Variants in TENM1 observed in about 807,000 individuals in gnomAD.
The protein encoded by TENM1 is teneurin-1.
A neutral mutation model predicts 174.8 loss-of-function variants in TENM1; 35 were observed. That is an observed-to-expected ratio of 0.20 (90% CI 0.15 to 0.27). The LOEUF (loss-of-function observed/expected upper bound fraction) is 0.27, where lower values mean the gene tolerates loss of function less well. TENM1 is among the 10% of genes least tolerant of loss of function. The pLI is 1.00. For synonymous variants in TENM1, 781 were observed against 798.7 expected, an observed-to-expected ratio of 0.98 and a Z score of 0.37; for missense variants, 1,633 against 2,130.1, an observed-to-expected ratio of 0.77 and a Z score of 4.59.
intron 3 of TENM1, among the ~76,000 whole-genome samples, chrX:124,743,923 A>C (rs1416040640): frequency 8.9e-6 from 1 of 111,881 alleles, no homozygotes; most frequent in Non-Finnish European, 1.9e-5. Flanking sequence ...TAGTTTAATT[A>C]ATCTCTTTTC....
At chrX:124,383,186 A>T (rs2060179478) in intron 30 of TENM1, among the ~76,000 whole-genome samples, 1 of 110,354 alleles carries the variant, frequency 9.1e-6, no homozygotes, top group African/African-American at 3.3e-5. Context: ...GCCTCAAGTG[A>T]TCTGCCTGCC....
intron 1 of TENM1, among the ~76,000 whole-genome samples, chrX:124,935,576 T>C (rs1428073252): frequency 1.8e-5 from 2 of 112,750 alleles, no homozygotes; most frequent in African/African-American, 6.5e-5. Context: ...TGCCTTTGCA[T>C]TCCCAGTGCC....
At chrX:124,641,661 TAGG>T in intron 11 of TENM1, 127 bp downstream of exon 14, 1 of 574,056 alleles carries the variant, frequency 1.7e-6, no homozygotes, top group Non-Finnish European at 2.9e-6. Flanking sequence ...AATACTAACC[TAGG>T]ACATACCTGG....
At chrX:124,910,974 G>C (rs1278113632) in intron 1 of TENM1, among the ~76,000 whole-genome samples, 1 of 108,966 alleles carries the variant, frequency 9.2e-6, no homozygotes, top group African/African-American at 3.4e-5. Flanking sequence ...GGAGTGCAGT[G>C]GTGCGATCAC....
At chrX:125,056,384 T>C in the TENM1 span, among the ~76,000 whole-genome samples, 1 of 111,819 alleles carries the variant, frequency 8.9e-6, no homozygotes, top group Non-Finnish European at 1.9e-5. Context: ...AGATAAGAAA[T>C]TAAGTTAAGC....
At chrX:125,102,520 T>C in the TENM1 span, among the ~76,000 whole-genome samples, 1 of 112,116 alleles carries the variant, frequency 8.9e-6, no homozygotes, top group Non-Finnish European at 1.9e-5. Context: ...CTTCAGTCTG[T>C]GACTGGTAGA....
At chrX:124,606,978 C>T (rs1024115156) in intron 11 of TENM1, among the ~76,000 whole-genome samples, 7 of 108,710 alleles carry the variant, frequency 6.4e-5, no homozygotes. Flanking sequence ...GAGGGAGAGG[C>T]AGAAGAGAAG....
intron 3 of TENM1, among the ~76,000 whole-genome samples, chrX:124,753,753 A>G (rs1448537209): frequency 1.3e-4 from 15 of 111,185 alleles, no homozygotes; most frequent in Non-Finnish European, 2.3e-4. Context: ...TAATCATGTG[A>G]TTTTTGTCTT....
chrX:124,852,053 T>C (rs2056729530), intron 3 of TENM1, among the ~76,000 whole-genome samples: 1 of 111,319 alleles, frequency 9.0e-6, no homozygotes, highest in African/African-American at 3.3e-5. Flanking sequence ...AGGAAAGAAA[T>C]TGACATTCTG....
the TENM1 span, among the ~76,000 whole-genome samples, chrX:125,115,744 C>G: frequency 1.1e-3 from 124 of 110,691 alleles, no homozygotes; most frequent in African/African-American, 3.7e-3. Flanking sequence ...AGAGAGGACA[C>G]AAAGAAATGG....
At chrX:124,410,973 T>C (rs919779473) in intron 25 of TENM1, among the ~76,000 whole-genome samples, 5 of 111,728 alleles carry the variant, frequency 4.5e-5, no homozygotes, top group Admixed American at 9.5e-5. Context: ...GCAGTGGTTA[T>C]ATCCACTCAT....
intron 3 of TENM1, among the ~76,000 whole-genome samples, chrX:124,882,203 C>T (rs5910113): frequency 0.46 from 51,411 of 111,198 alleles, 10,656 homozygotes; most frequent in African/African-American, 0.82. Flanking sequence ...TTTAATTCCA[C>T]TGTAGTATAA....
At chrX:124,671,898 G>T in intron 5 of TENM1, 63 bp from the exon 9 acceptor site, 1 of 1,124,806 alleles carries the variant, frequency 8.9e-7, no homozygotes, top group Non-Finnish European at 1.2e-6. Context: ...TCCAAGCCAG[G>T]TATCCCTTTG....
the TENM1 span, among the ~76,000 whole-genome samples, chrX:125,008,855 C>T: frequency 1.8e-5 from 2 of 111,248 alleles, no homozygotes; most frequent in African/African-American, 6.6e-5. Context: ...AGACAATGTA[C>T]CAGAATCTCT....
chrX:124,712,899 C>T (rs1313603158), intron 4 of TENM1, among the ~76,000 whole-genome samples: 3 of 112,245 alleles, frequency 2.7e-5, no homozygotes, highest in Non-Finnish European at 5.6e-5. Context: ...GCTGGGTCAG[C>T]CCCATTTTCT....
the TENM1 span, among the ~76,000 whole-genome samples, chrX:125,108,584 G>A: frequency 9.1e-6 from 1 of 109,377 alleles, no homozygotes; most frequent in Non-Finnish European, 1.9e-5. Flanking sequence ...CGCTGGGCAT[G>A]GTCGTACCTG....
chrX:124,787,491 T>C (rs968995304), intron 3 of TENM1, among the ~76,000 whole-genome samples: 4 of 111,155 alleles, frequency 3.6e-5, no homozygotes, highest in Non-Finnish European at 5.7e-5. Context: ...ACTCTTGATG[T>C]AGGTGATATC....
exon 30 of TENM1, chrX:124,384,213 G>C (rs1191299709): frequency 1.7e-6 from 2 of 1,209,021 alleles, no homozygotes; most frequent in Non-Finnish European, 2.2e-6. Flanking sequence ...TTCTGCAGCA[G>C]GCCATTAGAA....
intron 6 of TENM1, among the ~76,000 whole-genome samples, chrX:124,659,441 C>A (rs1338261830): frequency 2.7e-5 from 3 of 111,775 alleles, no homozygotes; most frequent in Non-Finnish European, 5.7e-5. Context: ...GATTTGTATA[C>A]TGAGAAACTA....
Sources: allele counts gnomAD v4.1 joint callset (sites outside exome capture counted in the v4.1 genomes callset), GRCh38; gene constraint gnomAD v4.1.1; transcripts MANE v1.5; gene names NCBI Gene and HGNC (gene_info 2026-07-23, HGNC 2026-07-21).